The following AUTS2 variants were observed in gnomAD, a reference collection of about 807,000 sequenced individuals.
The protein encoded by AUTS2 is autism susceptibility gene 2 protein.
In AUTS2, 17 loss-of-function variants were observed where a neutral mutation model predicts 112.4. That is an observed-to-expected ratio of 0.15 (90% CI 0.10 to 0.23). AUTS2 has a LOEUF of 0.23. AUTS2 is among the 10% of genes least tolerant of loss of function. The pLI is 1.00. For missense variants in AUTS2, 1,510 were observed against 1,701.6 expected, an observed-to-expected ratio of 0.89 and a Z score of 1.98; for synonymous variants, 751 against 702.7, an observed-to-expected ratio of 1.07 and a Z score of -1.09.
intron 4 of AUTS2, among the ~76,000 whole-genome samples, chr7:70,383,108 G>A (rs1337185761): frequency 6.6e-6 from 1 of 151,974 alleles, no homozygotes; most frequent in East Asian, 1.9e-4. Context: ...GTGGCTGCAA[G>A]GTATCTCATC....
intron 1 of AUTS2, among the ~76,000 whole-genome samples, chr7:69,822,936 T>G (rs985748020): frequency 3.3e-5 from 5 of 152,116 alleles, no homozygotes; most frequent in Admixed American, 6.5e-5. Context: ...ACTGCCGAGG[T>G]CCCCATGTTT....
intron 1 of AUTS2, among the ~76,000 whole-genome samples, chr7:69,789,263 C>G (rs1789512843): frequency 6.6e-6 from 1 of 152,028 alleles, no homozygotes; most frequent in Admixed American, 6.6e-5. Context: ...CGTGGGGGCA[C>G]TTAAAAAAAA....
intron 5 of AUTS2, among the ~76,000 whole-genome samples, chr7:70,600,739 T>C (rs1216416616): frequency 6.6e-6 from 1 of 152,238 alleles, no homozygotes; most frequent in Non-Finnish European, 1.5e-5. Flanking sequence ...CTGCTTTCTG[T>C]CACTGTGAAT....
intron 5 of AUTS2, among the ~76,000 whole-genome samples, chr7:70,600,943 CT>C (rs1423712372): frequency 6.6e-6 from 1 of 152,166 alleles, no homozygotes; most frequent in Non-Finnish European, 1.5e-5. Flanking sequence ...GTCATGGGTT[CT>C]TTCTACTGTT....
intron 1 of AUTS2, among the ~76,000 whole-genome samples, chr7:69,651,865 A>G (rs1232977444): frequency 6.6e-6 from 1 of 152,210 alleles, no homozygotes; most frequent in Admixed American, 6.5e-5. Context: ...ACCCCCACAC[A>G]TATTTGTTGC....
chr7:70,358,519 A>C (rs1792111895), intron 4 of AUTS2, among the ~76,000 whole-genome samples: 1 of 152,194 alleles, frequency 6.6e-6, no homozygotes, highest in South Asian at 2.1e-4. Context: ...TCAAGCCTAT[A>C]GGTGTGTGTA....
At position 70,631,705 on chromosome 7, in the gene AUTS2, C is replaced by T. The variant is rs1805270991; in HGVS notation, c.691-66864C>T. Reference sequence around the variant, plus strand: ...GTCAGCACCATTTATAGCCCCATGTCCCCAACCTTAGCCTTTGCACGGTTG... The same window carrying T: ...GTCAGCACCATTTATAGCCCCATGTTCCCAACCTTAGCCTTTGCACGGTTG... On this transcript the variant is annotated intron_variant, in intron 5 of 18. Transcript: ENST00000342771. The surrounding 1 kb of genome is among the most constrained non-coding windows in gnomAD (Gnocchi z 4.5). 1.3e-5 allele frequency among the ~76,000 whole-genome samples: 2 copies of T among 152,156 alleles called. No homozygotes were observed. The highest frequency in any genetic ancestry group is 4.8e-5 in the African/African-American group (2 of 41,450).
chr7:69,841,926 C>T (rs1217483029), intron 1 of AUTS2, among the ~76,000 whole-genome samples: 2 of 152,168 alleles, frequency 1.3e-5, no homozygotes, highest in African/African-American at 2.4e-5. Flanking sequence ...AGTATCATAT[C>T]TGCAATTCAC....
Position 70,121,954 on chromosome 7 carries a change from A to G in AUTS2, c.624+3721A>G, listed in dbSNP as rs143107927. Among the ~76,000 whole-genome samples, 741 of 152,360 alleles carry G rather than the reference A, an allele frequency of 4.9e-3. 2 individuals are homozygous for G. The highest frequency in any genetic ancestry group is 0.017 in the Middle Eastern group (5 of 294). ...CATGTGTTTCTCAACAAATGAATTG[A>G]TAAACAAAATGTGACAGCTTGGCTG... On this transcript the variant is annotated intron_variant, in intron 3 of 18. Transcript: ENST00000342771.
chr7:70,457,830 C>A (rs573706283), intron 5 of AUTS2, among the ~76,000 whole-genome samples: 1 of 152,114 alleles, frequency 6.6e-6, no homozygotes, highest in Admixed American at 6.5e-5. Flanking sequence ...ATTAAAAGGC[C>A]CTTCAGAATC....
chr7:70,084,290 T>C (rs56999082), intron 2 of AUTS2, among the ~76,000 whole-genome samples: 12,216 of 152,250 alleles, frequency 0.08, 628 homozygotes, highest in African/African-American at 0.13. Context: ...TTTATGGATA[T>C]ACCATAGTGT....
rs556068133 is a variant in AUTS2 at position 70,573,696 on chromosome 7, T to A, written c.691-124873T>A. ...ATTCGCTTTGCTGCAGAATACAAATTGGGTTTGGCATTGCCAGTTAAACGG... is the reference window on the plus strand; with the variant it reads ...ATTCGCTTTGCTGCAGAATACAAATAGGGTTTGGCATTGCCAGTTAAACGG... On this transcript the variant is annotated intron_variant, in intron 5 of 18. Transcript: ENST00000342771. 6.6e-5 allele frequency among the ~76,000 whole-genome samples: 10 copies of A among 152,242 alleles called. No individual in the cohort carries two copies. The South Asian group carries it at 2.1e-3, about 32-fold the overall frequency.
At chr7:69,765,163 G>A (rs1044889457) in intron 1 of AUTS2, among the ~76,000 whole-genome samples, 2 of 152,196 alleles carry the variant, frequency 1.3e-5, no homozygotes, top group Non-Finnish European at 2.9e-5. Flanking sequence ...CGGATTACAT[G>A]TAGCAATCCA....
chr7:70,207,712 A>C (rs1401414837), intron 4 of AUTS2, among the ~76,000 whole-genome samples: 1 of 152,084 alleles, frequency 6.6e-6, no homozygotes, highest in Non-Finnish European at 1.5e-5. Flanking sequence ...GGAATATATG[A>C]TCTATTATTA....
intron 4 of AUTS2, among the ~76,000 whole-genome samples, chr7:70,410,397 CTTTT>C (rs1392486092): frequency 1.2e-3 from 149 of 123,338 alleles, no homozygotes; most frequent in African/African-American, 3.9e-3. Flanking sequence ...GAGGGTTTGT[CTTTT>C]ATTTATTTAT....
At chr7:70,728,814 A>G (rs1787187443) in intron 6 of AUTS2, among the ~76,000 whole-genome samples, 1 of 151,820 alleles carries the variant, frequency 6.6e-6, no homozygotes, top group African/African-American at 2.4e-5. Context: ...AGAAATTCAC[A>G]TCTTGTATTT....
intron 5 of AUTS2, among the ~76,000 whole-genome samples, chr7:70,572,113 G>A (rs575216529): frequency 8.5e-5 from 13 of 152,226 alleles, no homozygotes; most frequent in South Asian, 8.3e-4. Flanking sequence ...TTATGCATTC[G>A]AGTTCCCATG....
chr7:70,645,061 T>C (rs1287083097), intron 5 of AUTS2, among the ~76,000 whole-genome samples: 5 of 152,322 alleles, frequency 3.3e-5, no homozygotes, highest in African/African-American at 4.8e-5. Context: ...CTTTCTGTGC[T>C]ATTACCAAGA....
intron 1 of AUTS2, among the ~76,000 whole-genome samples, chr7:69,733,567 G>A (rs1786894977): frequency 6.6e-6 from 1 of 152,012 alleles, no homozygotes; most frequent in Admixed American, 6.6e-5. Context: ...GCAGAAGAGA[G>A]CACCCCATTG....
Sources: gnomAD v4.1 joint callset for allele counts (sites outside exome capture counted in the v4.1 genomes callset) on GRCh38, gnomAD v4.1.1 for gene constraint, Gnocchi (gnomAD v3.1) non-coding constraint, MANE v1.5 for transcripts, NCBI Gene and HGNC (gene_info 2026-07-23, HGNC 2026-07-21) for gene names.